PTPRT: variants seen among roughly 807,000 people sequenced by gnomAD.
PTPRT encodes receptor-type tyrosine-protein phosphatase T.
In PTPRT, 56 loss-of-function variants were observed where a neutral mutation model predicts 176.8. The observed-to-expected ratio is 0.32, with a 90% confidence interval of 0.26 to 0.40. PTPRT has a LOEUF of 0.40. Ranked by LOEUF, PTPRT falls within the 10% of genes least tolerant of loss-of-function variation. The pLI is 1.00. For missense variants in PTPRT, 1,540 were observed against 1,908.2 expected (o/e 0.81, Z 3.60); for synonymous variants, 783 against 739.0 (o/e 1.06, Z -0.96).
intron 2 of PTPRT, among the ~76,000 whole-genome samples, chr20:42,800,870 A>G (rs564629408): frequency 6.6e-6 from 1 of 152,246 alleles, no homozygotes; most frequent in Non-Finnish European, 1.5e-5. Context: ...CAGGGCTGGG[A>G]GAGACATCAA....
intron 1 of PTPRT, among the ~76,000 whole-genome samples, chr20:43,137,207 C>T (rs1049692301): frequency 6.6e-6 from 1 of 152,148 alleles, no homozygotes; most frequent in Non-Finnish European, 1.5e-5. Context: ...GTTATGGGTA[C>T]ATGGTAAGTG....
chr20:42,332,264 C>G (rs1314657441), intron 11 of PTPRT, among the ~76,000 whole-genome samples: 1 of 152,060 alleles, frequency 6.6e-6, no homozygotes, highest in Non-Finnish European at 1.5e-5. Flanking sequence ...GGCTGGAGCG[C>G]AGTGGCGTAA....
intron 1 of PTPRT, among the ~76,000 whole-genome samples, chr20:43,157,331 T>C (rs1042239092): frequency 1.3e-5 from 2 of 152,178 alleles, no homozygotes; most frequent in Non-Finnish European, 2.9e-5. Context: ...GCCACTGCAC[T>C]CTAGCCTGGG....
chr20:42,497,832 A>G (rs1011139288), intron 7 of PTPRT, among the ~76,000 whole-genome samples: 1 of 152,130 alleles, frequency 6.6e-6, no homozygotes, highest in East Asian at 1.9e-4. Context: ...CAAGGTTTTC[A>G]TGCATGCTGG....
intron 17 of PTPRT, among the ~76,000 whole-genome samples, chr20:42,142,497 T>C (rs1357592550): frequency 6.6e-6 from 1 of 152,206 alleles, no homozygotes. Flanking sequence ...ATGAGAATTA[T>C]TTCAGATTAT....
At chr20:42,245,305 T>A (rs1379352204) in intron 14 of PTPRT, among the ~76,000 whole-genome samples, 1 of 152,146 alleles carries the variant, frequency 6.6e-6, no homozygotes, top group Admixed American at 6.5e-5. Flanking sequence ...GTCCATGCAA[T>A]CCTAATTCCA....
intron 7 of PTPRT, among the ~76,000 whole-genome samples, chr20:42,611,551 C>T (rs571626637): frequency 1.3e-5 from 2 of 148,400 alleles, no homozygotes; most frequent in South Asian, 2.1e-4. Flanking sequence ...TCTCCCACTT[C>T]CCTGTATCCC....
At chr20:42,334,935 G>A (rs2058019854) in intron 11 of PTPRT, among the ~76,000 whole-genome samples, 1 of 152,186 alleles carries the variant, frequency 6.6e-6, no homozygotes, top group East Asian at 1.9e-4. Context: ...TTATTGCAGT[G>A]AAATGTGAAA....
chr20:42,373,297 T>C (rs2058611133), intron 9 of PTPRT, among the ~76,000 whole-genome samples: 1 of 152,188 alleles, frequency 6.6e-6, no homozygotes, highest in African/African-American at 2.4e-5. Flanking sequence ...GTGACAGCCT[T>C]GTAAGTGTCA....
At chr20:43,176,291 T>G (rs1269576089) in intron 1 of PTPRT, among the ~76,000 whole-genome samples, 1 of 151,794 alleles carries the variant, frequency 6.6e-6, no homozygotes, top group East Asian at 1.9e-4. Flanking sequence ...AGCGAGACCC[T>G]GGGCTCTGAC....
intron 6 of PTPRT, among the ~76,000 whole-genome samples, chr20:42,721,349 A>G (rs1157259308): frequency 6.6e-6 from 1 of 152,198 alleles, no homozygotes; most frequent in Non-Finnish European, 1.5e-5. Context: ...ATGGATCCAC[A>G]GGAGGCAGGG....
intron 9 of PTPRT, among the ~76,000 whole-genome samples, chr20:42,380,317 C>A (rs1050823285): frequency 1.3e-5 from 2 of 152,140 alleles, no homozygotes; most frequent in Admixed American, 1.3e-4. Context: ...AGCTTTCTGG[C>A]ACCGAGATGC....
chr20:42,916,720 G>A (rs1436709715), intron 1 of PTPRT, among the ~76,000 whole-genome samples: 1 of 152,132 alleles, frequency 6.6e-6, no homozygotes, highest in African/African-American at 2.4e-5. Flanking sequence ...GGCCAGTGAT[G>A]GTGAGCATTT....
chr20:42,503,258 T>C lies in PTPRT; in HGVS notation c.1154-30696A>G, dbSNP rs529214923. Among the ~76,000 whole-genome samples the C allele has an allele frequency of 1.8e-3, 271 of 152,218 alleles. 3 individuals are homozygous for C. The highest frequency in any genetic ancestry group is 0.015 in the South Asian group (70 of 4,822). ...TCTATTGTTCTTTTTTACCGTAATA[T>C]GATTGCTTAAATCATTAAATATTTG... On this transcript the variant is annotated intron_variant, in intron 7 of 30. Coordinates refer to ENST00000373187, the MANE Select transcript of PTPRT (RefSeq NM_007050.6).
In PTPRT at chr20:42,287,680, T is replaced by C. The variant is rs73120055; in HGVS notation, c.2140-5155A>G. Among the ~76,000 whole-genome samples the C allele has an allele frequency of 8.8e-3, 1,344 of 151,934 alleles. 28 individuals carry two copies. The highest frequency in any genetic ancestry group is 0.031 in the African/African-American group (1,272 of 41,518). On this transcript the variant is annotated intron_variant, in intron 12 of 30. Transcript: ENST00000373187. ...TGTAGCCCTGTAGGATGACTATAGT[T>C]AAGCAAAATATATAGTTTCAAATAG...
intron 29 of PTPRT, 43 bp downstream of exon 29, chr20:42,084,639 A>G: frequency 7.3e-7 from 1 of 1,364,904 alleles, no homozygotes; most frequent in Non-Finnish European, 9.6e-7. Flanking sequence ...ATGCTCTATC[A>G]CCCACCACCC....
intron 23 of PTPRT, among the ~76,000 whole-genome samples, chr20:42,108,680 A>C (rs1986726584): frequency 6.6e-6 from 1 of 152,230 alleles, no homozygotes; most frequent in Admixed American, 6.5e-5. Flanking sequence ...TCCTGTCCTG[A>C]AGGATTAATA....
intron 9 of PTPRT, among the ~76,000 whole-genome samples, chr20:42,425,352 C>G (rs1485255790): frequency 6.6e-6 from 1 of 152,174 alleles, no homozygotes; most frequent in Non-Finnish European, 1.5e-5. Flanking sequence ...AATGCCCATT[C>G]TACTCGGTGA....
At chr20:42,967,042 G>A (rs916276769) in intron 1 of PTPRT, among the ~76,000 whole-genome samples, 11 of 152,134 alleles carry the variant, frequency 7.2e-5, no homozygotes, top group Non-Finnish European at 1.0e-4. Context: ...AAGGCACCTC[G>A]GGAGGTGATA....
Sources: gnomAD v4.1 joint callset for allele counts (sites outside exome capture counted in the v4.1 genomes callset) on GRCh38, gnomAD v4.1.1 for gene constraint, MANE v1.5 for transcripts, NCBI Gene and HGNC (gene_info 2026-07-23, HGNC 2026-07-21) for gene names.